MDGA2: variants seen among roughly 807,000 people sequenced by gnomAD.
MDGA2 encodes the protein MAM domain-containing glycosylphosphatidylinositol anchor protein 2.
A neutral mutation model predicts 117.8 loss-of-function variants in MDGA2; 40 were observed. The ratio of observed to expected loss-of-function variants is 0.34; its 90% confidence interval spans 0.26 to 0.44. The LOEUF is 0.44. Among genes scored for constraint, MDGA2 ranks in the 20% least tolerant of loss-of-function variants. The pLI, the probability that MDGA2 is intolerant of heterozygous loss-of-function variation, is 1.00. For missense variants in MDGA2, 1,123 were observed against 1,250.6 expected, an observed-to-expected ratio of 0.90 and a Z score of 1.54; for synonymous variants, 452 against 439.0, an observed-to-expected ratio of 1.03 and a Z score of -0.37.
intron 1 of MDGA2, among the ~76,000 whole-genome samples, chr14:47,619,157 ATT>A (rs1400641134): frequency 2.8e-5 from 4 of 141,898 alleles, no homozygotes; most frequent in African/African-American, 1.2e-4. Flanking sequence ...ACACAGATAC[ATT>A]ATCTACAAAA....
chr14:47,575,637 A>G (rs1896101924), intron 1 of MDGA2, among the ~76,000 whole-genome samples: 2 of 152,196 alleles, frequency 1.3e-5, no homozygotes, highest in Non-Finnish European at 2.9e-5. Context: ...GCCATCTACT[A>G]TCCATGAAGG....
intron 1 of MDGA2, among the ~76,000 whole-genome samples, chr14:47,655,629 G>A (rs1027566898): frequency 6.6e-6 from 1 of 152,066 alleles, no homozygotes; most frequent in Non-Finnish European, 1.5e-5. Flanking sequence ...AAGACAAATT[G>A]ATGCACATTC....
rs1173865124 is a variant in MDGA2, at chr14:47,609,458, TATATATAA to T, written c.280+65051_280+65058del. On this transcript the variant is annotated intron_variant, in intron 1 of 16. Coordinates refer to ENST00000399232, the MANE Select transcript of MDGA2 (RefSeq NM_001113498.3). ...ATATATATATATATATATATATATATATATATAAGTTTCTTTATCTACTTGTTGATTGA... is the reference window on the plus strand; with the variant it reads ...ATATATATATATATATATATATATATGTTTCTTTATCTACTTGTTGATTGA... 1.0e-3 allele frequency among the ~76,000 whole-genome samples: 116 copies of T among 115,280 alleles called. 6 individuals carry two copies. Among genetic ancestry groups the T allele is most frequent in the African/African-American group, 3.3e-3 (107 of 32,122 alleles). 75.6% of individuals were successfully genotyped at this position (115,280 alleles called of 152,430 possible). A position where few individuals can be genotyped will look rare whatever the true frequency, so the allele number is the denominator to read the frequency against.
At chr14:47,472,548 C>CGGA in intron 1 of MDGA2, among the ~76,000 whole-genome samples, 1 of 152,114 alleles carries the variant, frequency 6.6e-6, no homozygotes, top group Admixed American at 6.6e-5. Flanking sequence ...TTGTCTGCTT[C>CGGA]CACGACAAGG....
chr14:47,472,868 A>G (rs1296652768), intron 1 of MDGA2, among the ~76,000 whole-genome samples: 1 of 152,168 alleles, frequency 6.6e-6, no homozygotes, highest in South Asian at 2.1e-4. Flanking sequence ...ATGAGTTTAT[A>G]CATGAAGGGT....
intron 1 of MDGA2, among the ~76,000 whole-genome samples, chr14:47,522,587 T>C (rs1894893149): frequency 8.1e-6 from 1 of 123,002 alleles, no homozygotes; most frequent in African/African-American, 2.9e-5. Context: ...GAGGGTGATA[T>C]TTCTAAGTTT....
chr14:46,976,579 A>C (rs1196052244), intron 8 of MDGA2, among the ~76,000 whole-genome samples: 1 of 151,860 alleles, frequency 6.6e-6, no homozygotes, highest in African/African-American at 2.4e-5. Flanking sequence ...ATCTATGAAT[A>C]ATTCTTTGAA....
intron 1 of MDGA2, among the ~76,000 whole-genome samples, chr14:47,438,647 C>T (rs1402392453): frequency 6.6e-6 from 1 of 152,148 alleles, no homozygotes; most frequent in Non-Finnish European, 1.5e-5. Context: ...CTGCAACTCC[C>T]AAGCTGGAAG....
intron 8 of MDGA2, among the ~76,000 whole-genome samples, chr14:46,970,038 ATAAAT>A (rs1000097328): frequency 6.6e-6 from 1 of 150,568 alleles, no homozygotes; most frequent in Non-Finnish European, 1.5e-5. Flanking sequence ...AACTGATGAA[ATAAAT>A]TAAAGAGGAC....
intron 1 of MDGA2, among the ~76,000 whole-genome samples, chr14:47,419,719 ATAT>A (rs1403383580): frequency 1.3e-5 from 2 of 152,000 alleles, no homozygotes; most frequent in East Asian, 1.9e-4. Flanking sequence ...TATATACAAT[ATAT>A]TATTATTGTT....
chr14:47,108,365 C>G (rs577047460), intron 5 of MDGA2, among the ~76,000 whole-genome samples: 1 of 152,182 alleles, frequency 6.6e-6, no homozygotes, highest in African/African-American at 2.4e-5. Context: ...GTGACTTGCA[C>G]GTATACGCCC....
chr14:46,965,817 T>C (rs1424932427), intron 8 of MDGA2, among the ~76,000 whole-genome samples: 1 of 152,176 alleles, frequency 6.6e-6, no homozygotes, highest in Non-Finnish European at 1.5e-5. Flanking sequence ...CAGTTTTTTA[T>C]GGCATAAAAT....
At chr14:47,153,746 G>T (rs896637446) in intron 3 of MDGA2, among the ~76,000 whole-genome samples, 3 of 150,866 alleles carry the variant, frequency 2.0e-5, no homozygotes, top group Non-Finnish European at 4.4e-5. Flanking sequence ...GGAGGGCTTT[G>T]TAAAAGACTA....
At chr14:46,906,728 T>G (rs1185762526) in intron 10 of MDGA2, among the ~76,000 whole-genome samples, 1 of 152,138 alleles carries the variant, frequency 6.6e-6, no homozygotes, top group Admixed American at 6.6e-5. Context: ...TTTGAATCAC[T>G]GTAATATTCC....
At chr14:46,995,044 AC>A (rs1887237516) in intron 8 of MDGA2, among the ~76,000 whole-genome samples, 1 of 152,178 alleles carries the variant, frequency 6.6e-6, no homozygotes, top group African/African-American at 2.4e-5. Context: ...CTTGTTTAGT[AC>A]AGAGTAAAAT....
At chr14:47,116,129 C>G (rs1326947013) in intron 5 of MDGA2, among the ~76,000 whole-genome samples, 1 of 151,844 alleles carries the variant, frequency 6.6e-6, no homozygotes, top group Non-Finnish European at 1.5e-5. Flanking sequence ...AACAAGTTAT[C>G]TAAAAAGAAA....
At chr14:47,521,096 A>C (rs1208393044) in intron 1 of MDGA2, among the ~76,000 whole-genome samples, 2 of 152,208 alleles carry the variant, frequency 1.3e-5, no homozygotes, top group African/African-American at 2.4e-5. Context: ...ACACACATAC[A>C]CAGAAATTAA....
intron 3 of MDGA2, among the ~76,000 whole-genome samples, chr14:47,177,401 C>G (rs952333887): frequency 6.6e-6 from 1 of 152,060 alleles, no homozygotes; most frequent in Non-Finnish European, 1.5e-5. Context: ...GGAACCAACC[C>G]AAATGTCCAA....
intron 1 of MDGA2, among the ~76,000 whole-genome samples, chr14:47,360,391 A>AAATAAATAAATAAATG (rs1555376188): frequency 8.1e-6 from 1 of 122,932 alleles, no homozygotes; most frequent in African/African-American, 2.9e-5. Flanking sequence ...ATAAATAAAT[A>AAATAAATAAATAAATG]AAATAAAATA....
Sources: gnomAD v4.1 joint callset for allele counts (sites outside exome capture counted in the v4.1 genomes callset) on GRCh38, gnomAD v4.1.1 for gene constraint, MANE v1.5 for transcripts, NCBI Gene and HGNC (gene_info 2026-07-23, HGNC 2026-07-21) for gene names.